The following EYS variants were observed in gnomAD, a reference collection of about 807,000 sequenced individuals.
EYS encodes protein eyes shut homolog.
EYS carries 250 observed loss-of-function variants against 282.1 expected under a neutral mutation model. That is an observed-to-expected ratio of 0.89 (90% CI 0.80 to 0.98). EYS has a LOEUF of 0.98. EYS is among the 50% of genes least tolerant of loss of function. The pLI, the probability that EYS is intolerant of heterozygous loss-of-function variation, is 0.00. For synonymous variants in EYS, 1,355 were observed against 1,282.9 expected, an observed-to-expected ratio of 1.06 and a Z score of -1.20; for missense variants, 4,016 against 3,709.0, an observed-to-expected ratio of 1.08 and a Z score of -2.15.
In EYS at chr6:63,899,503, A is replaced by C. The variant is rs137867174; in HGVS notation, c.7056-35145T>G. The stretch of plus-strand genomic sequence containing the variant: ...TTCATTTTTAACTTTCTTTTTCACA[A>C]CTCCTTCCAAATCCCATACTGCAGC... On this transcript the variant is annotated intron_variant, in intron 35 of 42. Transcript: ENST00000503581. 8.6e-5 allele frequency among the ~76,000 whole-genome samples: 13 copies of C among 151,814 alleles called. No homozygotes were observed. In the East Asian group the frequency reaches 2.5e-3, roughly 29 times the overall value.
intron 22 of EYS, among the ~76,000 whole-genome samples, chr6:64,626,876 A>C (rs567502269): frequency 8.5e-5 from 13 of 152,350 alleles, no homozygotes; most frequent in Admixed American, 7.8e-4. Flanking sequence ...AACTGTTTGA[A>C]AAGAAATAAA....
At chr6:65,663,921 G>C (rs1261665329) in intron 1 of EYS, among the ~76,000 whole-genome samples, 2 of 141,762 alleles carry the variant, frequency 1.4e-5, no homozygotes, top group Non-Finnish European at 3.0e-5. Flanking sequence ...ATCCAGGCTG[G>C]AGTGTAGTGG....
intron 12 of EYS, among the ~76,000 whole-genome samples, chr6:65,294,861 T>C (rs1768619651): frequency 6.6e-6 from 1 of 151,942 alleles, no homozygotes; most frequent in Non-Finnish European, 1.5e-5. Context: ...TTACTTAGAA[T>C]ATGTTTGAAT....
intron 7 of EYS, among the ~76,000 whole-genome samples, chr6:65,396,383 C>A (rs1254873942): frequency 6.6e-6 from 1 of 152,036 alleles, no homozygotes; most frequent in Non-Finnish European, 1.5e-5. Context: ...GTCCTTTTCT[C>A]CCCCAACGTT....
intron 36 of EYS, among the ~76,000 whole-genome samples, chr6:63,815,928 T>A (rs969285747): frequency 6.6e-5 from 10 of 152,008 alleles, no homozygotes; most frequent in African/African-American, 2.4e-4. Flanking sequence ...TGTACTCTAA[T>A]CATGAGAGAA....
intron 13 of EYS, among the ~76,000 whole-genome samples, chr6:65,009,506 CCTGA>C (rs1283541730): frequency 3.3e-5 from 5 of 152,178 alleles, no homozygotes; most frequent in African/African-American, 7.2e-5. Flanking sequence ...CCCTGTACAT[CCTGA>C]CTATCAATTC....
chr6:64,873,630 G>T (rs997586915), intron 19 of EYS, among the ~76,000 whole-genome samples: 1 of 151,972 alleles, frequency 6.6e-6, no homozygotes, highest in Non-Finnish European at 1.5e-5. Context: ...TTTTATGGGT[G>T]CCATAGTTAA....
intron 41 of EYS, among the ~76,000 whole-genome samples, chr6:63,756,750 A>G (rs1769495322): frequency 6.6e-6 from 1 of 152,178 alleles, no homozygotes; most frequent in Non-Finnish European, 1.5e-5. Context: ...ATGGACATCT[A>G]TCAGTTCCCC....
At chr6:63,875,050 A>C (rs557945808) in intron 35 of EYS, among the ~76,000 whole-genome samples, 1 of 152,160 alleles carries the variant, frequency 6.6e-6, no homozygotes, top group Non-Finnish European at 1.5e-5. Context: ...GTCTTGTGCC[A>C]GTTTTCAAAG....
chr6:65,501,688 A>G (rs1766457832), intron 2 of EYS, among the ~76,000 whole-genome samples: 1 of 151,738 alleles, frequency 6.6e-6, no homozygotes, highest in South Asian at 2.1e-4. Context: ...TTGTGGTTAA[A>G]TTTTTATCAA....
intron 11 of EYS, among the ~76,000 whole-genome samples, chr6:65,297,938 G>T (rs115978038): frequency 1.3e-5 from 2 of 152,008 alleles, no homozygotes; most frequent in African/African-American, 4.8e-5. Context: ...TCTGATTGGG[G>T]TGGTAGATTA....
chr6:63,777,497 C>G (rs984762089), intron 40 of EYS: 2 of 153,094 alleles, frequency 1.3e-5, no homozygotes, highest in African/African-American at 4.8e-5. Context: ...CCCTCATATA[C>G]TACTTTTGCA....
chr6:65,440,847 A>G (rs1016222769), intron 5 of EYS, among the ~76,000 whole-genome samples: 32 of 145,682 alleles, frequency 2.2e-4, no homozygotes, highest in East Asian at 2.2e-3. Flanking sequence ...AAATATGTGT[A>G]TATATATATA....
chr6:64,889,648 T>C (rs781561281), intron 18 of EYS, among the ~76,000 whole-genome samples: 1 of 152,030 alleles, frequency 6.6e-6, no homozygotes, highest in Non-Finnish European at 1.5e-5. Context: ...TCTCTAAACA[T>C]AAATTGTGAA....
intron 12 of EYS, among the ~76,000 whole-genome samples, chr6:65,083,538 T>C (rs946487226): frequency 6.6e-6 from 1 of 151,994 alleles, no homozygotes; most frequent in African/African-American, 2.4e-5. Context: ...CAATGATTTG[T>C]CTGTAGCAGA....
intron 33 of EYS, among the ~76,000 whole-genome samples, chr6:64,039,541 T>G (rs1257248703): frequency 6.6e-6 from 1 of 152,184 alleles, no homozygotes; most frequent in Non-Finnish European, 1.5e-5. Context: ...AATAGATCCC[T>G]GGCAAGACAT....
chr6:64,866,469 G>A (rs778327098), intron 19 of EYS, among the ~76,000 whole-genome samples: 3 of 151,690 alleles, frequency 2.0e-5, no homozygotes, highest in Non-Finnish European at 3.0e-5. Context: ...TATAGGTCAC[G>A]CTTCCCTATG....
intron 35 of EYS, among the ~76,000 whole-genome samples, chr6:63,939,714 A>T (rs1417001596): frequency 6.6e-6 from 1 of 152,192 alleles, no homozygotes; most frequent in East Asian, 1.9e-4. Context: ...TTGAAAAAAA[A>T]CTAAGGAAAA....
intron 35 of EYS, among the ~76,000 whole-genome samples, chr6:63,961,637 G>A (rs926598314): frequency 1.3e-5 from 2 of 151,820 alleles, no homozygotes; most frequent in East Asian, 3.9e-4. Context: ...AGCCTGTTTG[G>A]TGGTCTCTTC....
Sources: gnomAD v4.1 joint callset for allele counts (sites outside exome capture counted in the v4.1 genomes callset) on GRCh38, gnomAD v4.1.1 for gene constraint, MANE v1.5 for transcripts, NCBI Gene and HGNC (gene_info 2026-07-23, HGNC 2026-07-21) for gene names.